Variants in ACSM3 observed in about 807,000 individuals in gnomAD.
ACSM3 encodes acyl-CoA synthetase medium chain family member 3, also known as acyl-coenzyme A synthetase ACSM3, mitochondrial.
In ACSM3, 61 loss-of-function variants were observed where a neutral mutation model predicts 74.1. The ratio of observed to expected loss-of-function variants is 0.82; its 90% confidence interval spans 0.67 to 1.02. The LOEUF (loss-of-function observed/expected upper bound fraction) is 1.02. Among genes scored for constraint, ACSM3 ranks in the 50% least tolerant of loss-of-function variants. The pLI is 0.00. For missense variants in ACSM3, 660 were observed against 697.0 expected (o/e 0.95, Z 0.60); for synonymous variants, 213 against 241.5 (o/e 0.88, Z 1.09).
At chr16:20,710,437 A>G (rs2079740580) in intron 1 of ACSM3, among the ~76,000 whole-genome samples, 1 of 152,192 alleles carries the variant, frequency 6.6e-6, no homozygotes, top group Non-Finnish European at 1.5e-5. Context: ...ACTATAAAAC[A>G]TAGATGAAAA....
intron 1 of ACSM3, chr16:20,727,311 C>CA: frequency 1.8e-6 from 1 of 568,642 alleles, no homozygotes; most frequent in Non-Finnish European, 3.4e-6. Flanking sequence ...AGGTTCCTCT[C>CA]AAAAAGGCCC....
chr16:20,740,744 A>C (rs1009276951), intron 1 of ACSM3, among the ~76,000 whole-genome samples: 5 of 152,222 alleles, frequency 3.3e-5, no homozygotes, highest in Non-Finnish European at 7.3e-5. Context: ...ATTCTAAGCC[A>C]GTAATATGAT....
chr16:20,747,037 A>G (rs1269596646), intron 1 of ACSM3, among the ~76,000 whole-genome samples: 1 of 152,050 alleles, frequency 6.6e-6, no homozygotes, highest in Non-Finnish European at 1.5e-5. Context: ...TGGTTGAATA[A>G]TCTATGTTCC....
chr16:20,791,017 GCT>G, intron 10 of ACSM3: 23 of 1,424,032 alleles, frequency 1.6e-5, no homozygotes, highest in Non-Finnish European at 2.2e-5. Flanking sequence ...TCCAGTTAGT[GCT>G]CTTTCTTTTC....
intron 9 of ACSM3, 118 bp downstream of exon 9, chr16:20,786,276 A>C: frequency 6.9e-7 from 1 of 1,446,700 alleles, no homozygotes; most frequent in Non-Finnish European, 9.1e-7. Flanking sequence ...TACTTCCATG[A>C]TACTTTAATT....
In ACSM3 at chr16:20,781,709, C is replaced by T; in HGVS notation, c.941C>T (p.Thr314Ile). The change falls in exon 7 of 14, where the codon ACA (threonine) becomes ATA (isoleucine). Residue 314 changes from threonine to isoleucine, a missense_variant and splice_region_variant. Physicochemically the swap from Thr to Ile is moderately conservative, Grantham distance 89 (BLOSUM62 -1). Coordinates refer to ENST00000289416, the MANE Select transcript of ACSM3 (RefSeq NM_005622.4). ...GAGTTTGCTTTTTCTAAATTGCAGA[C>T]ACTCTCCAAGTACCCCATCACAGTC... Reference protein sequence around the residue: ...PRFEPTSILQTLSKYPITVFC... With the variant: ...PRFEPTSILQILSKYPITVFC... 1 of 1,611,132 alleles carries T rather than the reference C, an allele frequency of 6.2e-7. No homozygotes were observed. Among genetic ancestry groups the T allele is most frequent in the Non-Finnish European group, 8.5e-7 (1 of 1,177,334 alleles).
intron 2 of ACSM3, among the ~76,000 whole-genome samples, chr16:20,770,979 C>T (rs1404854557): frequency 3.9e-5 from 6 of 152,144 alleles, no homozygotes; most frequent in African/African-American, 1.4e-4. Context: ...AACACTAGAA[C>T]TTATTCCATC....
chr16:20,700,250 C>T (rs1277169382), intron 1 of ACSM3, among the ~76,000 whole-genome samples: 5 of 152,088 alleles, frequency 3.3e-5, no homozygotes, highest in Admixed American at 6.5e-5. Flanking sequence ...AACATTTAGG[C>T]GTGCTTTAAA....
At chr16:20,774,087 G>A (rs1173772220) in intron 2 of ACSM3, among the ~76,000 whole-genome samples, 4 of 152,042 alleles carry the variant, frequency 2.6e-5, no homozygotes, top group African/African-American at 7.2e-5. Context: ...TTGCTGAATT[G>A]ATCTATTTAT....
intron 1 of ACSM3, chr16:20,741,598 T>A: frequency 6.3e-7 from 1 of 1,575,056 alleles, no homozygotes. Context: ...TTGCAGGTGA[T>A]GAGGATGCCC....
At chr16:20,685,458 T>G in intron 1 of ACSM3, 2 of 1,507,166 alleles carry the variant, frequency 1.3e-6, no homozygotes, top group Non-Finnish European at 1.8e-6. Flanking sequence ...AAAGGGCACT[T>G]AGTAAACTAA....
chr16:20,756,950 T>C (rs892360148), intron 3 of ACSM3, among the ~76,000 whole-genome samples: 11 of 152,158 alleles, frequency 7.2e-5, no homozygotes, highest in African/African-American at 2.6e-4. Context: ...GTTGTACATA[T>C]GCGGCGTTAT....
At chr16:20,707,418 C>A (rs2079731117) in intron 1 of ACSM3, among the ~76,000 whole-genome samples, 2 of 152,224 alleles carry the variant, frequency 1.3e-5, no homozygotes, top group South Asian at 2.1e-4. Context: ...CCCAGTGGTC[C>A]AGCAAGAGCC....
chr16:20,727,075 C>T (rs1302546388), intron 1 of ACSM3, among the ~76,000 whole-genome samples: 3 of 152,152 alleles, frequency 2.0e-5, no homozygotes, highest in Non-Finnish European at 2.9e-5. Context: ...CATTTTCTCC[C>T]ACCTTTTAAC....
chr16:20,695,136 G>A (rs770424408), intron 1 of ACSM3, among the ~76,000 whole-genome samples: 11 of 152,178 alleles, frequency 7.2e-5, no homozygotes, highest in Non-Finnish European at 7.3e-5. Flanking sequence ...CGTCACATGA[G>A]AGGGCCAAAC....
chr16:20,684,326 C>T (rs773199470), intron 1 of ACSM3, among the ~76,000 whole-genome samples: 32 of 152,154 alleles, frequency 2.1e-4, no homozygotes, highest in Middle Eastern at 3.2e-3. Flanking sequence ...GCTTAAGGAT[C>T]ACACAATGAA....
At chr16:20,769,838 T>G (rs2080169328) in intron 1 of ACSM3, 146 bp from the exon 2 acceptor site, 1 of 593,496 alleles carries the variant, frequency 1.7e-6, no homozygotes, top group Non-Finnish European at 3.0e-6. Flanking sequence ...TATAAAACAC[T>G]GAGCACTGTG....
At chr16:20,739,363 A>T (rs1169455897) in intron 1 of ACSM3, among the ~76,000 whole-genome samples, 1 of 151,706 alleles carries the variant, frequency 6.6e-6, no homozygotes, top group Admixed American at 6.6e-5. Flanking sequence ...TTTAGTAGAG[A>T]TGGGGTTTCG....
chr16:20,738,427 CACA>C (rs1316701582), intron 1 of ACSM3, among the ~76,000 whole-genome samples: 3 of 152,050 alleles, frequency 2.0e-5, no homozygotes, highest in Non-Finnish European at 4.4e-5. Flanking sequence ...CCATGCTGGG[CACA>C]ACATCATGAA....
Sources: gnomAD v4.1 joint callset for allele counts (sites outside exome capture counted in the v4.1 genomes callset) on GRCh38, gnomAD v4.1.1 for gene constraint, MANE v1.5 for transcripts, NCBI Gene and HGNC (gene_info 2026-07-23, HGNC 2026-07-21) for gene names.